CCDC148: variants seen among roughly 807,000 people sequenced by gnomAD.
The protein encoded by CCDC148 is coiled-coil domain-containing protein 148.
In CCDC148, 89 loss-of-function variants were observed where a neutral mutation model predicts 85.7. That is an observed-to-expected ratio of 1.04 (90% confidence interval 0.87 to 1.24). CCDC148 has a LOEUF of 1.24. Ranked by LOEUF, CCDC148 falls within the 50% of genes most tolerant of loss-of-function variation. The probability of loss-of-function intolerance (pLI) is 0.00; values close to 1 mark genes in which losing one functional copy is unlikely to be tolerated. For synonymous variants in CCDC148, 230 were observed against 213.9 expected (o/e 1.08, Z -0.66); for missense variants, 692 against 671.7 (o/e 1.03, Z -0.33).
chr2:158,206,997 A>T (rs1358848738), intron 11 of CCDC148, among the ~76,000 whole-genome samples: 1 of 152,210 alleles, frequency 6.6e-6, no homozygotes, highest in Non-Finnish European at 1.5e-5. Flanking sequence ...TTAACATGGT[A>T]TAATACCCCA....
chr2:158,417,049 C>T (rs1451284571), intron 1 of CCDC148, among the ~76,000 whole-genome samples: 2 of 152,178 alleles, frequency 1.3e-5, no homozygotes, highest in Non-Finnish European at 1.5e-5. Context: ...TTTTAAACAA[C>T]AAGATATCAT....
intron 1 of CCDC148, among the ~76,000 whole-genome samples, chr2:158,430,843 T>C (rs764019292): frequency 6.6e-6 from 1 of 152,034 alleles, no homozygotes; most frequent in East Asian, 1.9e-4. Context: ...ATAAGTGTTA[T>C]GAGTATGCTC....
chr2:158,332,412 C>T (rs190722831), intron 7 of CCDC148, among the ~76,000 whole-genome samples: 3 of 146,504 alleles, frequency 2.0e-5, no homozygotes, highest in Admixed American at 6.8e-5. Flanking sequence ...GTGGGTAACC[C>T]GACCTTTCTC....
intron 1 of CCDC148, among the ~76,000 whole-genome samples, chr2:158,399,179 C>T (rs181825372): frequency 9.9e-5 from 15 of 152,216 alleles, no homozygotes; most frequent in African/African-American, 3.6e-4. Flanking sequence ...GATTCACAGC[C>T]GAATTCTACC....
intron 7 of CCDC148, among the ~76,000 whole-genome samples, chr2:158,336,505 C>T (rs1682388839): frequency 1.3e-5 from 2 of 152,138 alleles, no homozygotes; most frequent in Admixed American, 1.3e-4. Context: ...AAGCCATATA[C>T]TAAACTAATC....
At chr2:158,416,892 G>T (rs1299213775) in intron 1 of CCDC148, among the ~76,000 whole-genome samples, 1 of 152,154 alleles carries the variant, frequency 6.6e-6, no homozygotes, top group Non-Finnish European at 1.5e-5. Context: ...AAGAAAAGAG[G>T]TTTAATTGGC....
chr2:158,452,141 C>G (rs531467590), intron 1 of CCDC148, among the ~76,000 whole-genome samples: 1 of 152,122 alleles, frequency 6.6e-6, no homozygotes, highest in African/African-American at 2.4e-5. Flanking sequence ...GTACACAAAG[C>G]CTTCACAAAT....
intron 1 of CCDC148, among the ~76,000 whole-genome samples, chr2:158,423,135 C>T (rs991326566): frequency 2.6e-5 from 4 of 152,090 alleles, no homozygotes; most frequent in African/African-American, 9.7e-5. Flanking sequence ...GAATCAATAT[C>T]GTGAAAATGG....
At chr2:158,406,156 G>A (rs965367217) in intron 1 of CCDC148, among the ~76,000 whole-genome samples, 2 of 152,104 alleles carry the variant, frequency 1.3e-5, no homozygotes, top group African/African-American at 4.8e-5. Context: ...ACATTGACAT[G>A]GATAGCTGGA....
At chr2:158,426,708 T>G (rs979728017) in intron 1 of CCDC148, among the ~76,000 whole-genome samples, 4 of 152,178 alleles carry the variant, frequency 2.6e-5, no homozygotes, top group Admixed American at 1.3e-4. Flanking sequence ...GCAACCAATT[T>G]AAGTTTTTTA....
chr2:158,354,994 T>C (rs1175685787), intron 2 of CCDC148, among the ~76,000 whole-genome samples: 1 of 152,148 alleles, frequency 6.6e-6, no homozygotes, highest in African/African-American at 2.4e-5. Flanking sequence ...ATTATCTCAA[T>C]AGATGCAGAA....
intron 9 of CCDC148, among the ~76,000 whole-genome samples, chr2:158,265,467 G>A (rs892215897): frequency 4.6e-5 from 7 of 151,890 alleles, no homozygotes; most frequent in Admixed American, 4.6e-4. Flanking sequence ...TTCACACAAG[G>A]GGAAATTTTA....
At position 158,172,055 on chromosome 2, in the gene CCDC148, T is replaced by C. The variant is rs539427577; in HGVS notation, c.*58A>G. 117 of 1,157,956 alleles carry C rather than the reference T, an allele frequency of 1.0e-4. No individual in the cohort carries two copies. The highest frequency in any genetic ancestry group is 1.3e-4 in the Non-Finnish European group (110 of 817,806). 71.7% of individuals were successfully genotyped at this position (1,157,956 alleles called of 1,614,324 possible). A position where few individuals can be genotyped will look rare whatever the true frequency, so the allele number is the denominator to read the frequency against. On this transcript the variant is annotated 3_prime_UTR_variant, in exon 14 of 14. Transcript: ENST00000283233. The stretch of plus-strand genomic sequence containing the variant: ...TTTTAGAAAGTAGTAATTATTATTA[T>C]CCATATACATGTTTTCAAAGAAAAA...
At chr2:158,184,185 A>G (rs1685044140) in intron 11 of CCDC148, among the ~76,000 whole-genome samples, 1 of 152,028 alleles carries the variant, frequency 6.6e-6, no homozygotes, top group African/African-American at 2.4e-5. Flanking sequence ...ACATCCTGGT[A>G]CAGATTGGCA....
At chr2:158,331,878 T>A (rs1190226030) in intron 7 of CCDC148, among the ~76,000 whole-genome samples, 1 of 152,224 alleles carries the variant, frequency 6.6e-6, no homozygotes, top group East Asian at 1.9e-4. Context: ...CCTCTATCCC[T>A]TTGTTTTGAG....
intron 1 of CCDC148, among the ~76,000 whole-genome samples, chr2:158,415,045 A>C (rs554759347): frequency 1.3e-5 from 2 of 152,274 alleles, no homozygotes; most frequent in East Asian, 1.9e-4. Context: ...AAGGTAATAA[A>C]TTTGAGTCCA....
chr2:158,376,751 A>G (rs977290611), intron 1 of CCDC148, among the ~76,000 whole-genome samples: 13 of 152,076 alleles, frequency 8.5e-5, no homozygotes, highest in African/African-American at 2.9e-4. Flanking sequence ...TTATTTTCCT[A>G]TCTCCTCTTT....
chr2:158,184,171 A>C (rs1685043590), intron 11 of CCDC148, among the ~76,000 whole-genome samples: 1 of 152,146 alleles, frequency 6.6e-6, no homozygotes, highest in African/African-American at 2.4e-5. Flanking sequence ...GACACAAGAC[A>C]CTGACATCCT....
intron 7 of CCDC148, among the ~76,000 whole-genome samples, chr2:158,338,021 AATATC>A (rs1333974111): frequency 3.3e-5 from 5 of 152,160 alleles, no homozygotes; most frequent in Admixed American, 6.5e-5. Context: ...TATTGAGGTC[AATATC>A]ATAGCACACA....
Sources: gnomAD v4.1 joint callset for allele counts (sites outside exome capture counted in the v4.1 genomes callset) on GRCh38, gnomAD v4.1.1 for gene constraint, MANE v1.5 for transcripts, NCBI Gene and HGNC (gene_info 2026-07-23, HGNC 2026-07-21) for gene names.